The following GALK2 variants were observed in gnomAD, a reference collection of about 807,000 sequenced individuals.
GALK2 encodes the protein N-acetylgalactosamine kinase.
A neutral mutation model predicts 52.4 loss-of-function variants in GALK2; 36 were observed. The observed-to-expected ratio is 0.69, with a 90% CI of 0.53 to 0.91. GALK2 has a LOEUF of 0.91. Among genes scored for constraint, GALK2 ranks in the 40% least tolerant of loss-of-function variants. The pLI is 0.00. For missense variants in GALK2, 579 were observed against 559.1 expected (o/e 1.04, Z -0.36); for synonymous variants, 176 against 199.1 (o/e 0.88, Z 0.98).
At chr15:49,257,556 C>G (rs1283356859) in intron 5 of GALK2, among the ~76,000 whole-genome samples, 5 of 152,180 alleles carry the variant, frequency 3.3e-5, no homozygotes, top group Admixed American at 3.3e-4. Context: ...GCTATTATAA[C>G]TAGTAAAGTT....
At chr15:49,309,629 T>G (rs1209938808) in intron 8 of GALK2, among the ~76,000 whole-genome samples, 1 of 143,802 alleles carries the variant, frequency 7.0e-6, no homozygotes, top group Non-Finnish European at 1.5e-5. Flanking sequence ...TTTTTTTTTG[T>G]TTTTTTTTGA....
chr15:49,267,638 A>T (rs2092403893), intron 5 of GALK2, among the ~76,000 whole-genome samples: 1 of 152,148 alleles, frequency 6.6e-6, no homozygotes. Context: ...CATTTCTGTG[A>T]TAACATGTTA....
chr15:49,365,666 A>G, intron 3 of GALK2: 1 of 1,044,380 alleles, frequency 9.6e-7, no homozygotes, highest in South Asian at 1.3e-5. Context: ...AGTATCACAC[A>G]TGACTTGAAG....
chr15:49,196,337 T>C (rs2087230562), intron 1 of GALK2, among the ~76,000 whole-genome samples: 1 of 152,176 alleles, frequency 6.6e-6, no homozygotes, highest in Non-Finnish European at 1.5e-5. Flanking sequence ...ATGTTATCAT[T>C]ATTTTTAGAT....
At chr15:49,261,543 A>G (rs2092109912) in intron 5 of GALK2, among the ~76,000 whole-genome samples, 1 of 152,070 alleles carries the variant, frequency 6.6e-6, no homozygotes, top group South Asian at 2.1e-4. Context: ...TCTTTTCCTG[A>G]TTGAATACCC....
At chr15:49,276,911 T>TTG (rs2031764181) in intron 5 of GALK2, among the ~76,000 whole-genome samples, 1 of 149,444 alleles carries the variant, frequency 6.7e-6, no homozygotes, top group African/African-American at 2.4e-5. Context: ...GAGGTTTTTT[T>TTG]TTTTTTTTTT....
chr15:49,264,687 T>C (rs1370381785), intron 5 of GALK2, among the ~76,000 whole-genome samples: 2 of 152,166 alleles, frequency 1.3e-5, no homozygotes, highest in Non-Finnish European at 2.9e-5. Context: ...TTCTGTTTTT[T>C]CCCCATCTTT....
At chr15:49,264,680 T>A (rs9672303) in intron 5 of GALK2, among the ~76,000 whole-genome samples, 62,292 of 151,692 alleles carry the variant, frequency 0.41, 12,912 homozygotes, top group African/African-American at 0.43. Flanking sequence ...TTTTCTGTTC[T>A]GTTTTTTCCC....
chr15:49,216,609 G>A (rs2089399879), intron 2 of GALK2, among the ~76,000 whole-genome samples: 1 of 152,230 alleles, frequency 6.6e-6, no homozygotes, highest in African/African-American at 2.4e-5. Flanking sequence ...TGGCCTGACA[G>A]CCACTTAAGC....
At chr15:49,166,062 A>G (rs1444536281), upstream of GALK2, among the ~76,000 whole-genome samples, 1 of 151,846 alleles carries the variant, frequency 6.6e-6, no homozygotes, top group African/African-American at 2.4e-5. Flanking sequence ...TCGGCCTCCC[A>G]AAGTGCTGGA....
intron 3 of GALK2, among the ~76,000 whole-genome samples, chr15:49,356,890 G>A (rs2043255095): frequency 7.3e-6 from 1 of 137,558 alleles, no homozygotes; most frequent in Non-Finnish European, 1.6e-5. Context: ...CTATCTCTCA[G>A]ACCACAGTGC....
At chr15:49,282,155 C>T (rs2032794227) in intron 6 of GALK2, 70 bp downstream of exon 6, 1 of 1,089,064 alleles carries the variant, frequency 9.2e-7, no homozygotes. Flanking sequence ...GAAGAAGGCC[C>T]TGAGAGCCCC....
At chr15:49,267,603 A>G (rs2092403107) in intron 5 of GALK2, among the ~76,000 whole-genome samples, 1 of 151,040 alleles carries the variant, frequency 6.6e-6, no homozygotes, top group African/African-American at 2.4e-5. Flanking sequence ...TATCACTTAA[A>G]CCCTTTTTCT....
intron 3 of GALK2, among the ~76,000 whole-genome samples, chr15:49,356,481 CAAAG>C (rs1443603397): frequency 6.7e-6 from 1 of 148,896 alleles, no homozygotes; most frequent in African/African-American, 2.5e-5. Context: ...TCAAAAGAGA[CAAAG>C]AAGGCCATTA....
intron 3 of GALK2, among the ~76,000 whole-genome samples, chr15:49,363,784 T>C (rs1010823530): frequency 2.0e-5 from 3 of 152,172 alleles, no homozygotes; most frequent in Non-Finnish European, 4.4e-5. Context: ...TTGAAGTATG[T>C]TCCTTCAATG....
chr15:49,252,483 T>G (rs1445153065), intron 5 of GALK2, among the ~76,000 whole-genome samples: 5 of 152,230 alleles, frequency 3.3e-5, no homozygotes. Flanking sequence ...GCCTGACTAT[T>G]GGACATTTCA....
downstream of GALK2, among the ~76,000 whole-genome samples, chr15:49,332,405 T>G (rs1275034061): frequency 1.3e-5 from 2 of 152,170 alleles, no homozygotes; most frequent in East Asian, 1.9e-4. Context: ...CTTACTAGAC[T>G]GTAAGCTCAT....
intron 3 of GALK2, among the ~76,000 whole-genome samples, chr15:49,346,354 A>T (rs2151269194): frequency 6.6e-6 from 1 of 152,288 alleles, no homozygotes; most frequent in Middle Eastern, 3.4e-3. Context: ...ATGAAGCCTG[A>T]CTATGCTTGC....
intron 8 of GALK2, among the ~76,000 whole-genome samples, chr15:49,294,473 G>A (rs1409056865): frequency 6.6e-6 from 1 of 152,174 alleles, no homozygotes; most frequent in Non-Finnish European, 1.5e-5. Context: ...TTGTGTGTGT[G>A]TGTTGTATAG....
Sources: allele counts gnomAD v4.1 joint callset (sites outside exome capture counted in the v4.1 genomes callset), GRCh38; gene constraint gnomAD v4.1.1; transcripts MANE v1.5; gene names NCBI Gene and HGNC (gene_info 2026-07-23, HGNC 2026-07-21).